RSPO2: variants seen among roughly 807,000 people sequenced by gnomAD.
RSPO2 encodes R-spondin 2, also known as R-spondin-2.
In RSPO2, 14 loss-of-function variants were observed where a neutral mutation model predicts 30.9. That is an observed-to-expected ratio of 0.45 (90% confidence interval 0.30 to 0.71). The LOEUF (loss-of-function observed/expected upper bound fraction) is 0.71. Ranked by LOEUF, RSPO2 falls within the 30% of genes least tolerant of loss-of-function variation. The probability of loss-of-function intolerance (pLI) is 0.08; values close to 1 mark genes in which losing one functional copy is unlikely to be tolerated. For synonymous variants in RSPO2, 107 were observed against 96.4 expected (o/e 1.11, Z -0.64); for missense variants, 264 against 301.9 (o/e 0.87, Z 0.93).
chr8:107,958,047 A>C (rs968449655), intron 5 of RSPO2, 33 bp downstream of exon 5: 12 of 1,475,766 alleles, frequency 8.1e-6, no homozygotes, highest in Non-Finnish European at 1.0e-5. Context: ...CAGGAAGCAC[A>C]CAGCACACAG....
In RSPO2 at chr8:108,064,606, T is replaced by A. The variant is rs181279240; in HGVS notation, c.94+17939A>T. 1.7e-4 allele frequency among the ~76,000 whole-genome samples: 26 copies of A among 152,266 alleles called. No individual in the cohort carries two copies. In the East Asian group the frequency reaches 4.8e-3, roughly 28 times the overall value. On this transcript the variant is annotated intron_variant, in intron 2 of 5. Coordinates refer to ENST00000276659, the MANE Select transcript of RSPO2 (RefSeq NM_178565.5). ...TAAACTAGTTCAACCATTGTGGAAGTCAGTGTGGTGATTCCTCAAGGATCT... is the reference window on the plus strand; with the variant it reads ...TAAACTAGTTCAACCATTGTGGAAGACAGTGTGGTGATTCCTCAAGGATCT...
At chr8:108,009,980 C>T (rs1283350279) in intron 2 of RSPO2, among the ~76,000 whole-genome samples, 2 of 151,758 alleles carry the variant, frequency 1.3e-5, no homozygotes, top group East Asian at 1.9e-4. Context: ...GCTTGGGAGG[C>T]GGATGTTGCA....
chr8:108,019,811 G>T (rs1010049541), intron 2 of RSPO2, among the ~76,000 whole-genome samples: 1 of 152,042 alleles, frequency 6.6e-6, no homozygotes. Context: ...GGGATATGAT[G>T]GTTTTTTCCA....
intron 2 of RSPO2, among the ~76,000 whole-genome samples, chr8:108,026,471 G>GT (rs1164549320): frequency 6.6e-6 from 1 of 151,844 alleles, no homozygotes; most frequent in Non-Finnish European, 1.5e-5. Context: ...GGTCCTTTTT[G>GT]TTTTTAGGAA....
At chr8:108,016,917 A>G (rs1810906454) in intron 2 of RSPO2, among the ~76,000 whole-genome samples, 1 of 152,150 alleles carries the variant, frequency 6.6e-6, no homozygotes, top group African/African-American at 2.4e-5. Flanking sequence ...AGCAGATGCC[A>G]GCACCATGCT....
intron 3 of RSPO2, among the ~76,000 whole-genome samples, chr8:107,966,075 AG>A (rs1813794464): frequency 1.3e-5 from 2 of 152,072 alleles, no homozygotes; most frequent in African/African-American, 4.8e-5. Context: ...GAGGAAAAGG[AG>A]GTTAGGCTAT....
At position 108,082,573 on chromosome 8, in the gene RSPO2, T is replaced by C; in HGVS notation, c.66A>G (p.Gln22=). ...ILNCMDYSHC[Q]GNRWRRSKRA... is the part of the protein sequence containing the mutation. ...GCTTACTGCGTCTCCATCGGTTGCC[T>C]TGGCAGTGGCTGTAATCCATGCAGT... Residue 22 remains glutamine, a synonymous_variant, in exon 2 of 6, where the codon CAA becomes CAG. Coordinates refer to ENST00000276659, the MANE Select transcript of RSPO2 (RefSeq NM_178565.5). The C allele has an allele frequency of 6.2e-7, 1 of 1,614,150 alleles. No homozygotes were observed. Among genetic ancestry groups the C allele is most frequent in the Non-Finnish European group, 8.5e-7 (1 of 1,180,006 alleles).
At position 107,960,681 on chromosome 8, in the gene RSPO2, T is replaced by C; in HGVS notation, c.420A>G (p.Glu140=). 6.2e-7 allele frequency: 1 copy of C among 1,610,482 alleles called. No individual in the cohort carries two copies. Among genetic ancestry groups the C allele is most frequent in the Non-Finnish European group, 8.5e-7 (1 of 1,179,102 alleles). Reference sequence around the variant, plus strand: ...ACATTAAAAACTACTCACCCACACATTCCATGGTTTCTTCTAATGGTGCAA... The same window carrying C: ...ACATTAAAAACTACTCACCCACACACTCCATGGTTTCTTCTAATGGTGCAA... ...DGFAPLEETM[E]CVEGCEVGHW... Residue 140 remains glutamate (E), a synonymous_variant, in exon 4 of 6, where the codon GAA becomes GAG. Coordinates refer to ENST00000276659, the MANE Select transcript of RSPO2 (RefSeq NM_178565.5).
Position 108,026,924 on chromosome 8 carries a change from A to G in RSPO2, c.95-37680T>C, listed in dbSNP as rs146500207. On this transcript the variant is annotated intron_variant, in intron 2 of 5. Transcript: ENST00000276659. ...TAAATGGCATACAAGAATTATGTGC[A>G]TAATTTAACTTCTCTGTAAAGTCTG... Among the ~76,000 whole-genome samples the G allele has an allele frequency of 2.9e-3, 447 of 152,340 alleles. 2 individuals carry two copies. Among genetic ancestry groups the G allele is most frequent in the African/African-American group, 0.01 (430 of 41,580 alleles).
rs71308768 is a variant in RSPO2 at position 108,008,787 on chromosome 8, C to CAAA, written c.95-19546_95-19544dup. On this transcript the variant is annotated intron_variant, in intron 2 of 5. Transcript: ENST00000276659. The stretch of plus-strand genomic sequence containing the variant: ...GGCTATCTAAAAAGGTCATAAACTG[C>CAAA]AAAAAAAAAAAAATAAAGAAAAAGG... Among the ~76,000 whole-genome samples the CAAA allele has an allele frequency of 8.1e-4, 100 of 123,700 alleles. 1 individual carries two copies. In the Middle Eastern group the frequency reaches 0.013, roughly 16 times the overall value. The allele number at this position is 123,700 out of a possible 152,430, so 81.2% of individuals were successfully genotyped here.
At chr8:108,065,950 A>T (rs779340925) in intron 2 of RSPO2, among the ~76,000 whole-genome samples, 23 of 152,194 alleles carry the variant, frequency 1.5e-4, no homozygotes, top group Non-Finnish European at 3.1e-4. Flanking sequence ...AGGCAGGAGA[A>T]TCACTTGAAC....
At chr8:108,003,305 ATATATATTTTTTTTT>A (rs1278072117) in intron 2 of RSPO2, among the ~76,000 whole-genome samples, 330 of 26,242 alleles carry the variant, frequency 0.013, 1 homozygote, top group African/African-American at 0.066. Flanking sequence ...ATATATATAT[ATATATATTTTTTTTT>A]TTTTTTTTTT....
At chr8:108,072,945 T>G (rs2130728221) in intron 2 of RSPO2, 1 of 152,334 alleles carries the variant, frequency 6.6e-6, no homozygotes, top group South Asian at 2.1e-4. Context: ...AGGGCATTCA[T>G]CTTATGTAAA....
intron 5 of RSPO2, among the ~76,000 whole-genome samples, chr8:107,919,900 G>C (rs1383554514): frequency 2.0e-5 from 3 of 152,146 alleles, no homozygotes; most frequent in African/African-American, 7.2e-5. Flanking sequence ...AAAAGTTTAT[G>C]AGTCAAAACG....
At position 107,911,153 on chromosome 8, in the gene RSPO2, A is replaced by G. The variant is rs973628294; in HGVS notation, c.617-9963T>C. ...TCAACTTCAGCTTTGTACATGGTCT[A>G]TGTAGGCTACACTCTATCCCTGATA... is the stretch of plus-strand genomic sequence containing the variant. On this transcript the variant is annotated intron_variant, in intron 5 of 5. Coordinates refer to ENST00000276659, the MANE Select transcript of RSPO2 (RefSeq NM_178565.5). Among the ~76,000 whole-genome samples, 5 of 152,226 alleles carry G rather than the reference A, an allele frequency of 3.3e-5. No individual in the cohort carries two copies. In the East Asian group the frequency reaches 7.7e-4, roughly 24 times the overall value.
At chr8:108,023,614 G>A (rs1242784212) in intron 2 of RSPO2, among the ~76,000 whole-genome samples, 3 of 152,134 alleles carry the variant, frequency 2.0e-5, no homozygotes, top group South Asian at 2.1e-4. Context: ...GGTTACTGAC[G>A]GTGTTGCAGA....
intron 2 of RSPO2, among the ~76,000 whole-genome samples, chr8:108,081,361 A>G (rs1813189796): frequency 2.0e-5 from 3 of 152,244 alleles, no homozygotes; most frequent in African/African-American, 4.8e-5. Flanking sequence ...ACAATGAGTT[A>G]TAAACAAATC....
At chr8:108,022,437 C>A (rs1312340914) in intron 2 of RSPO2, among the ~76,000 whole-genome samples, 2 of 152,112 alleles carry the variant, frequency 1.3e-5, no homozygotes, top group East Asian at 3.9e-4. Context: ...CCCAAGTCCC[C>A]AAACACGTAT....
At position 107,926,323 on chromosome 8, in the gene RSPO2, T is replaced by G. The variant is rs186217840; in HGVS notation, c.617-25133A>C. Among the ~76,000 whole-genome samples, 550 of 152,230 alleles carry G rather than the reference T, an allele frequency of 3.6e-3. 8 individuals are homozygous for G. Among genetic ancestry groups the G allele is most frequent in the African/African-American group, 0.013 (535 of 41,500 alleles). ...TTAGCCCTTTGTCATATGAGTAGATTGCAAAAATTTTCTCCTATTCTGTAG... is the reference window on the plus strand; with the variant it reads ...TTAGCCCTTTGTCATATGAGTAGATGGCAAAAATTTTCTCCTATTCTGTAG... On this transcript the variant is annotated intron_variant, in intron 5 of 5. Coordinates refer to ENST00000276659, the MANE Select transcript of RSPO2 (RefSeq NM_178565.5).
Sources: allele counts gnomAD v4.1 joint callset (sites outside exome capture counted in the v4.1 genomes callset), GRCh38; gene constraint gnomAD v4.1.1; transcripts MANE v1.5; gene names NCBI Gene and HGNC (gene_info 2026-07-23, HGNC 2026-07-21).